Variants in VPS11 observed in about 807,000 individuals in gnomAD.
VPS11 encodes VPS11 core subunit of CORVET and HOPS complexes.
VPS11 carries 51 observed loss-of-function variants against 106.8 expected under a neutral mutation model. That is an observed-to-expected ratio of 0.48 (90% CI 0.38 to 0.60). The LOEUF (loss-of-function observed/expected upper bound fraction) is 0.60. VPS11 is among the 20% of genes least tolerant of loss of function. VPS11 has a pLI of 0.00. For missense variants in VPS11, 950 were observed against 1,190.0 expected, an observed-to-expected ratio of 0.80 and a Z score of 2.97; for synonymous variants, 453 against 458.7, an observed-to-expected ratio of 0.99 and a Z score of 0.16.
chr11:119,078,879 C>T lies in VPS11; in HGVS notation c.2148C>T (p.Asp716=), dbSNP rs1945740854. Reference sequence around the variant, plus strand: ...TGTGTGAGCGCCATGGGGAGCAGGACCCCTCCTTGTGGGAGCAGGCCCTCA... The same window carrying T: ...TGTGTGAGCGCCATGGGGAGCAGGATCCCTCCTTGTGGGAGCAGGCCCTCA... ...ISVCERHGEQ[D]PSLWEQALSY... The change falls in exon 13 of 16, where the codon GAC becomes GAT. Residue 716 remains aspartate (D), a synonymous_variant. Transcript: ENST00000621676. The T allele has an allele frequency of 3.1e-6, 5 of 1,614,034 alleles. No homozygotes were observed. The highest frequency in any genetic ancestry group is 3.4e-6 in the Non-Finnish European group (4 of 1,179,908).
chr11:119,079,953 G>A (rs994262229), intron 14 of VPS11, among the ~76,000 whole-genome samples: 1 of 152,142 alleles, frequency 6.6e-6, no homozygotes, highest in Non-Finnish European at 1.5e-5. Flanking sequence ...TACAAATATT[G>A]AGCCTCTGTG....
Position 119,077,059 on chromosome 11 carries a change from C to T in VPS11, c.1401C>T (p.Ser467=), listed in dbSNP as rs374855388. ...LLNCYTKLKD[S]SKLEEFIKKK... is the part of the protein sequence containing the mutation. Reference sequence around the variant, plus strand: ...ACTGCTATACCAAGCTCAAGGACAGCTCGAAGCTGGAGGAGTTCATCAAGG... The same window carrying T: ...ACTGCTATACCAAGCTCAAGGACAGTTCGAAGCTGGAGGAGTTCATCAAGG... The change falls in exon 8 of 16, where the codon AGC becomes AGT. Residue 467 remains serine, a synonymous_variant. Transcript: ENST00000621676. The T allele has an allele frequency of 1.1e-5, 18 of 1,613,054 alleles. 1 individual carries two copies. Among genetic ancestry groups the T allele is most frequent in the East Asian group, 2.2e-5 (1 of 44,866 alleles).
chr11:119,069,271 C>G lies in VPS11; in HGVS notation c.263C>G (p.Thr88Arg). The change falls in exon 2 of 16, where the codon ACA becomes AGA. Residue 88 changes from threonine (T) to arginine (R), a missense_variant. Thr to Arg is a moderately conservative substitution (Grantham distance 71, BLOSUM62 -1). This residue lies in a region of VPS11 where 435 missense variants were observed against 630.2 expected (regional missense o/e 0.69). Coordinates refer to ENST00000621676, the MANE Select transcript of VPS11 (RefSeq NM_021729.6). ...TGFQAYKLRV[T>R]HLYQLKQHNI... ...TTCCAAGCCTACAAACTACGGGTGA[C>G]ACACCTGTACCAACTGAAGCAGCAC... 1 of 1,613,974 alleles carries G rather than the reference C, an allele frequency of 6.2e-7. No individual in the cohort carries two copies.
At chr11:119,072,893 GT>G (rs1945454151) in intron 5 of VPS11, 1 of 335,488 alleles carries the variant, frequency 3.0e-6, no homozygotes, top group South Asian at 3.4e-5. Context: ...CTTTCATTCA[GT>G]TCCAGGCACA....
chr11:119,076,432 A>G (rs1945622397), intron 7 of VPS11, among the ~76,000 whole-genome samples: 1 of 151,998 alleles, frequency 6.6e-6, no homozygotes, highest in Admixed American at 6.6e-5. Flanking sequence ...AGGCTGAGGC[A>G]GAAGAATCGC....
chr11:119,073,945 A>C lies in VPS11; in HGVS notation c.1232A>C (p.Tyr411Ser). 1 of 1,611,714 alleles carries C rather than the reference A, an allele frequency of 6.2e-7. No individual in the cohort carries two copies. ...KGNHDGAVQQ[Y>S]IRTIGKLEPS... The stretch of plus-strand genomic sequence containing the variant: ...AACCACGATGGGGCTGTCCAGCAAT[A>C]TATCCGGTCAGTCTGGAGGCACTTT... The change falls in exon 7 of 16, where the codon TAT becomes TCT. Residue 411 changes from tyrosine (Y) to serine (S), a missense_variant. Transcript: ENST00000621676.
Position 119,078,784 on chromosome 11 carries a change from C to A in VPS11, c.2064-11C>A, listed in dbSNP as rs959379211. The A allele has an allele frequency of 6.2e-7, 1 of 1,611,784 alleles. No homozygotes were observed. The highest frequency in any genetic ancestry group is 1.3e-5 in the African/African-American group (1 of 74,906). ...GACAGCCACTGAGGTGTGCCCTTGCCCCGGCCGCAGGTTCCAGCAGATCAT... is the reference window on the plus strand; with the variant it reads ...GACAGCCACTGAGGTGTGCCCTTGCACCGGCCGCAGGTTCCAGCAGATCAT... On this transcript the variant is annotated splice_polypyrimidine_tract_variant and intron_variant, in intron 12 of 15. Coordinates refer to ENST00000621676, the MANE Select transcript of VPS11 (RefSeq NM_021729.6).
chr11:119,077,381 A>G (rs1218058894), intron 8 of VPS11, 120 bp from the exon 9 acceptor site: 1 of 1,373,830 alleles, frequency 7.3e-7, no homozygotes, highest in South Asian at 1.4e-5. Flanking sequence ...GAGTAGCATA[A>G]TATTTTCAAA....
intron 5 of VPS11, 123 bp from the exon 6 acceptor site, chr11:119,073,075 T>C (rs1347082591): frequency 9.2e-7 from 1 of 1,090,220 alleles, no homozygotes; most frequent in East Asian, 2.6e-5. Flanking sequence ...TGTTATGGGA[T>C]GAGAGGGACC....
chr11:119,070,406 A>C lies in VPS11; in HGVS notation c.636+9A>C. On this transcript the variant is annotated intron_variant, in intron 4 of 15. Transcript: ENST00000621676. ...CAACAGAGAACGTCCAGGTATGACC[A>C]AGGCCTCCACTCTTAGGAGCAGGCA... The C allele has an allele frequency of 1.9e-6, 3 of 1,607,722 alleles. No homozygotes were observed. The highest frequency in any genetic ancestry group is 2.6e-6 in the Non-Finnish European group (3 of 1,175,464).
chr11:119,075,551 A>T (rs1463733128), intron 7 of VPS11, among the ~76,000 whole-genome samples: 7 of 150,690 alleles, frequency 4.6e-5, no homozygotes, highest in African/African-American at 1.7e-4. Context: ...CTAAAAAAAA[A>T]AAAAAAAAAA....
At chr11:119,075,559 A>T (rs1945576988) in intron 7 of VPS11, among the ~76,000 whole-genome samples, 1 of 150,154 alleles carries the variant, frequency 6.7e-6, no homozygotes, top group Non-Finnish European at 1.5e-5. Flanking sequence ...AAAAAAAAAA[A>T]AAAAATACAA....
chr11:119,072,723 A>G (rs1185460), intron 5 of VPS11: 74,661 of 159,042 alleles, frequency 0.47, 19,638 homozygotes, highest in African/African-American at 0.72. Flanking sequence ...GTCAAAATAA[A>G]TTGGGCAGAG....
intron 11 of VPS11, 75 bp from the exon 12 acceptor site, chr11:119,078,490 G>A: frequency 6.3e-7 from 1 of 1,586,396 alleles, no homozygotes; most frequent in Non-Finnish European, 8.6e-7. Flanking sequence ...GAGGGAAAGA[G>A]TTGACTGGCT....
At chr11:119,080,335 T>G (rs1289026327) in intron 14 of VPS11, among the ~76,000 whole-genome samples, 8 of 142,370 alleles carry the variant, frequency 5.6e-5, no homozygotes, top group Middle Eastern at 4.7e-3. Flanking sequence ...TGGGATTACA[T>G]GCGTGAGCCA....
At chr11:119,075,542 T>TTAAAAA (rs1555202803) in intron 7 of VPS11, among the ~76,000 whole-genome samples, 1 of 111,634 alleles carries the variant, frequency 9.0e-6, no homozygotes, top group Non-Finnish European at 1.8e-5. Context: ...CTGTCTCCAC[T>TTAAAAA]AAAAAAAAAA....
chr11:119,075,732 A>C (rs1311538659), intron 7 of VPS11, among the ~76,000 whole-genome samples: 1 of 150,738 alleles, frequency 6.6e-6, no homozygotes, highest in Admixed American at 6.6e-5. Context: ...GGCGCCTGTA[A>C]TCCCATCTTA....
At position 119,076,945 on chromosome 11, in the gene VPS11, T is replaced by A; in HGVS notation, c.1287T>A (p.Asp429Glu). Residue 429 changes from aspartate to glutamate, a missense_variant, in exon 8 of 16, where the codon GAT becomes GAA. Asp to Glu is a conservative substitution (Grantham distance 45, BLOSUM62 2). Around this residue, in one of 3 missense-constraint regions of VPS11, gnomAD observed 435 missense variants for 630.2 expected, o/e 0.69. Transcript: ENST00000621676. Reference sequence around the variant, plus strand: ...CCTACGTGATCCGCAAGTTTCTGGATGCCCAGCGCATTCACAACCTGACTG... The same window carrying A: ...CCTACGTGATCCGCAAGTTTCTGGAAGCCCAGCGCATTCACAACCTGACTG... ...EPSYVIRKFL[D>E]AQRIHNLTAY... 1 of 1,614,042 alleles carries A rather than the reference T, an allele frequency of 6.2e-7. No individual in the cohort carries two copies. Among genetic ancestry groups the A allele is most frequent in the Non-Finnish European group, 8.5e-7 (1 of 1,179,906 alleles).
chr11:119,070,173 T>TC lies in VPS11; in HGVS notation c.473-57dup, dbSNP rs1488238060. 12 of 1,525,850 alleles carry TC rather than the reference T, an allele frequency of 7.9e-6. No individual in the cohort carries two copies. In the African/African-American group the frequency reaches 1.5e-4, roughly 19 times the overall value. The allele number at this position is 1,525,850 out of a possible 1,614,324, so 94.5% of individuals were successfully genotyped here. A position where few individuals can be genotyped will look rare whatever the true frequency, so the allele number is the denominator to read the frequency against. On this transcript the variant is annotated intron_variant, in intron 3 of 15. Coordinates refer to ENST00000621676, the MANE Select transcript of VPS11 (RefSeq NM_021729.6). ...TCTGAGTGCCTCAAGTGGTCTTTTT[T>TC]CCCCTCTCCACTTCCTGATCTTTTC...
Sources: allele counts gnomAD v4.1 joint callset (sites outside exome capture counted in the v4.1 genomes callset), GRCh38; gene constraint gnomAD v4.1.1; regional missense constraint gnomAD v4.1.1; transcripts MANE v1.5; gene names NCBI Gene and HGNC (gene_info 2026-07-23, HGNC 2026-07-21).